The following ZNF385D variants were observed in gnomAD, a reference collection of about 807,000 sequenced individuals.
ZNF385D encodes the protein zinc finger protein 385D, also known as zinc finger protein 659.
ZNF385D carries 15 observed loss-of-function variants against 35.8 expected under a neutral mutation model. That is an observed-to-expected ratio of 0.42 (90% CI 0.28 to 0.64). ZNF385D has a LOEUF of 0.64. ZNF385D is among the 30% of genes least tolerant of loss of function. The pLI, the probability that ZNF385D is intolerant of heterozygous loss-of-function variation, is 0.23. For missense variants in ZNF385D, 474 were observed against 494.6 expected (o/e 0.96, Z 0.39); for synonymous variants, 212 against 186.8 (o/e 1.13, Z -1.10).
chr3:21,669,901 A>G lies in ZNF385D; in HGVS notation c.23-4873T>C, dbSNP rs1415594117. On this transcript the variant is annotated intron_variant, in intron 1 of 7. Transcript: ENST00000281523. ...AATTAATATATTGAAATACTCCATG[A>G]GAGTGCGGTGGTTTTCTCTCCATAA... 2.6e-5 allele frequency among the ~76,000 whole-genome samples: 4 copies of G among 152,136 alleles called. No individual in the cohort carries two copies. In the South Asian group the frequency reaches 8.3e-4, roughly 32 times the overall value.
intron 3 of ZNF385D, among the ~76,000 whole-genome samples, chr3:21,967,764 C>G (rs1211293312): frequency 1.3e-5 from 2 of 152,206 alleles, no homozygotes; most frequent in East Asian, 3.9e-4. Flanking sequence ...GACCAAAATT[C>G]CAATGGCAAA....
At position 22,293,824 on chromosome 3, in the gene ZNF385D, A is replaced by T. The variant is rs566156832; in HGVS notation, c.106+78626T>A. On this transcript the variant is annotated intron_variant, in intron 2 of 5. Transcript: ENST00000494108. ...AAAACTACTGAATCAGTATCCCTGG[A>T]GGTGAGGCCTAGTGATCTGTTCCTG... Among the ~76,000 whole-genome samples the T allele has an allele frequency of 2.3e-4, 35 of 152,242 alleles. No individual in the cohort carries two copies. The South Asian group carries it at 6.2e-3, about 27-fold the overall frequency.
chr3:22,328,761 C>CA lies in ZNF385D; in HGVS notation c.106+43688dup, dbSNP rs930692669. On this transcript the variant is annotated intron_variant, in intron 2 of 5. Transcript: ENST00000494108. Reference sequence around the variant, plus strand: ...TGGTGACACAGCAAGACTCCATCGCCAAAAAAAAAAAGTTAATAAAAAAGA... The same window carrying CA: ...TGGTGACACAGCAAGACTCCATCGCCAAAAAAAAAAAAGTTAATAAAAAAGA... Among the ~76,000 whole-genome samples the CA allele has an allele frequency of 5.0e-3, 696 of 138,002 alleles. 5 individuals are homozygous for CA. Among genetic ancestry groups the CA allele is most frequent in the African/African-American group, 0.015 (577 of 37,544 alleles). 90.5% of individuals were successfully genotyped at this position (138,002 alleles called of 152,430 possible).
chr3:22,064,143 A>C (rs569838190), intron 3 of ZNF385D, among the ~76,000 whole-genome samples: 1 of 152,274 alleles, frequency 6.6e-6, no homozygotes, highest in African/African-American at 2.4e-5. Context: ...AGAGAAGTGG[A>C]ATTGTTGGTC....
intron 3 of ZNF385D, among the ~76,000 whole-genome samples, chr3:21,976,976 A>G (rs1285706772): frequency 6.6e-6 from 1 of 151,982 alleles, no homozygotes; most frequent in Non-Finnish European, 1.5e-5. Flanking sequence ...CCACAGAGCA[A>G]GACTCCATCT....
intron 3 of ZNF385D, among the ~76,000 whole-genome samples, chr3:21,798,489 G>C (rs552060890): frequency 6.6e-6 from 1 of 152,308 alleles, no homozygotes; most frequent in South Asian, 2.1e-4. Flanking sequence ...ATGGAAGCTT[G>C]CTTCTTCAAG....
intron 3 of ZNF385D, among the ~76,000 whole-genome samples, chr3:21,851,038 A>C (rs1304843218): frequency 6.6e-6 from 1 of 152,096 alleles, no homozygotes; most frequent in Non-Finnish European, 1.5e-5. Flanking sequence ...TCTAGAAATG[A>C]GAAAGATAAA....
rs1045584595 is a variant in ZNF385D, at chr3:22,028,607, G to A, written c.325+140210C>T. Among the ~76,000 whole-genome samples the A allele has an allele frequency of 5.9e-5, 9 of 152,174 alleles. 1 individual carries two copies. Among genetic ancestry groups the A allele is most frequent in the Admixed American group, 3.9e-4 (6 of 15,270 alleles). ...TGGAGTGGACATTTACTCTGGATAT[G>A]GGTTTGCCTATCCTGCACACAATGC... On this transcript the variant is annotated intron_variant, in intron 3 of 5. Transcript: ENST00000494108.
At chr3:22,013,973 A>C (rs1200072599) in intron 3 of ZNF385D, among the ~76,000 whole-genome samples, 1 of 152,168 alleles carries the variant, frequency 6.6e-6, no homozygotes, top group Non-Finnish European at 1.5e-5. Flanking sequence ...TAACAAACTG[A>C]CCAAATGTTT....
At chr3:21,933,441 T>C (rs1050241241) in intron 3 of ZNF385D, among the ~76,000 whole-genome samples, 1 of 152,188 alleles carries the variant, frequency 6.6e-6, no homozygotes, top group Non-Finnish European at 1.5e-5. Context: ...TTGATGGTAA[T>C]TTAAGAAGAT....
chr3:22,205,058 G>C (rs1289892040), intron 2 of ZNF385D, among the ~76,000 whole-genome samples: 1 of 147,672 alleles, frequency 6.8e-6, no homozygotes, highest in East Asian at 2.0e-4. Context: ...CAAAAACAAT[G>C]ACTTCAAGGC....
At chr3:22,241,213 T>A (rs1450471197) in intron 2 of ZNF385D, among the ~76,000 whole-genome samples, 1 of 151,170 alleles carries the variant, frequency 6.6e-6, no homozygotes, top group East Asian at 2.0e-4. Context: ...CCAAATGATG[T>A]CTTCTGAAAA....
Position 21,643,098 on chromosome 3 carries a change from C to T in ZNF385D, c.165+21788G>A, listed in dbSNP as rs190236826. ...AAAGTTTATAGTATATCTATTTTAT[C>T]ACCAAAAAAAGAAAGCAGAAAAAAA... On this transcript the variant is annotated intron_variant, in intron 2 of 7. Transcript: ENST00000281523. Among the ~76,000 whole-genome samples, 100 of 151,910 alleles carry T rather than the reference C, an allele frequency of 6.6e-4. 1 individual carries two copies. Among genetic ancestry groups the T allele is most frequent in the Admixed American group, 3.0e-3 (45 of 15,250 alleles).
chr3:22,047,652 G>A (rs920719609), intron 3 of ZNF385D, among the ~76,000 whole-genome samples: 4 of 151,994 alleles, frequency 2.6e-5, no homozygotes, highest in Non-Finnish European at 5.9e-5. Flanking sequence ...CATCATTGGT[G>A]GATATGTAGG....
chr3:21,943,367 A>G (rs1286005844), intron 3 of ZNF385D, among the ~76,000 whole-genome samples: 1 of 151,564 alleles, frequency 6.6e-6, no homozygotes, highest in African/African-American at 2.4e-5. Context: ...GTAATTATTT[A>G]TTTGACTTAT....
At chr3:21,425,720 A>T in intron 5 of ZNF385D, 50 bp from the exon 6 acceptor site, 1 of 1,473,966 alleles carries the variant, frequency 6.8e-7, no homozygotes, top group Non-Finnish European at 9.1e-7. Context: ...GAAAGAAGGG[A>T]GGGAGAGAAG....
intron 3 of ZNF385D, among the ~76,000 whole-genome samples, chr3:21,535,437 A>G (rs1045317412): frequency 6.6e-6 from 1 of 152,130 alleles, no homozygotes; most frequent in African/African-American, 2.4e-5. Context: ...TTTCAGCAAC[A>G]TCTACAAAGA....
At chr3:21,977,708 T>C (rs1311528720) in intron 3 of ZNF385D, among the ~76,000 whole-genome samples, 1 of 151,944 alleles carries the variant, frequency 6.6e-6, no homozygotes, top group Non-Finnish European at 1.5e-5. Context: ...ATGGTGGGGC[T>C]GTCTATGGTC....
At chr3:21,859,685 T>TTC (rs759920641) in intron 3 of ZNF385D, among the ~76,000 whole-genome samples, 1 of 151,522 alleles carries the variant, frequency 6.6e-6, no homozygotes, top group African/African-American at 2.4e-5. Context: ...TTTTTTTTTT[T>TTC]TCCTGTAGTT....
Sources: allele counts gnomAD v4.1 joint callset (sites outside exome capture counted in the v4.1 genomes callset), GRCh38; gene constraint gnomAD v4.1.1; transcripts MANE v1.5; gene names NCBI Gene and HGNC (gene_info 2026-07-23, HGNC 2026-07-21).